Variants in CD58 observed in about 807,000 individuals in gnomAD.
CD58 encodes the protein lymphocyte function-associated antigen 3.
In CD58, 14 loss-of-function variants were observed where a neutral mutation model predicts 27.6. The ratio of observed to expected loss-of-function variants is 0.51; its 90% CI spans 0.34 to 0.79. CD58 has a LOEUF of 0.79. Among genes scored for constraint, CD58 ranks in the 30% least tolerant of loss-of-function variants. The pLI is 0.02. For synonymous variants in CD58, 117 were observed against 103.8 expected (o/e 1.13, Z -0.77); for missense variants, 268 against 301.7 (o/e 0.89, Z 0.83).
At chr1:116,549,216 T>C (rs1044536562) in intron 1 of CD58, among the ~76,000 whole-genome samples, 27 of 152,294 alleles carry the variant, frequency 1.8e-4, no homozygotes, top group African/African-American at 6.5e-4. Context: ...CACAAATAAT[T>C]AGACAATGCC....
rs1658847080 is a variant in CD58 at position 116,563,840 on chromosome 1, T to C, written c.70+7063A>G. 1.3e-5 allele frequency among the ~76,000 whole-genome samples: 2 copies of C among 152,280 alleles called. No homozygotes were observed. Among genetic ancestry groups the C allele is most frequent in the Non-Finnish European group, 1.5e-5 (1 of 68,052 alleles). On this transcript the variant is annotated intron_variant, in intron 1 of 5. Coordinates refer to ENST00000369489, the MANE Select transcript of CD58 (RefSeq NM_001779.3). The surrounding 1 kb of genome is among the most constrained non-coding windows in gnomAD (Gnocchi z 4.1). ...GGGGCTGCCATGAAGGTTTCTGATA[T>C]GCCCTGGAGACATTTTCCCCATTGT...
At position 116,532,861 on chromosome 1, in the gene CD58, G is replaced by A. The variant is rs1657663256; in HGVS notation, c.628+3104C>T. 1 of 646,564 alleles carries A rather than the reference G, an allele frequency of 1.5e-6. No homozygotes were observed. Among genetic ancestry groups the A allele is most frequent in the South Asian group, 1.6e-5 (1 of 61,582 alleles). 40.1% of individuals were successfully genotyped at this position (646,564 alleles called of 1,614,324 possible). ...CGCTGTCGACGGGATTGTGCCGCAT[G>A]CGGCAAAGACTGAGGCCTCCCGCTA... On this transcript the variant is annotated intron_variant, in intron 3 of 5. Coordinates refer to ENST00000369489, the MANE Select transcript of CD58 (RefSeq NM_001779.3). The surrounding 1 kb of genome is among the most constrained non-coding windows in gnomAD (Gnocchi z 5.1).
chr1:116,567,383 C>A (rs953174506), intron 1 of CD58, among the ~76,000 whole-genome samples: 4 of 151,940 alleles, frequency 2.6e-5, no homozygotes, highest in Middle Eastern at 3.4e-3. Flanking sequence ...TGCCTGTAAT[C>A]CCAACACTTC....
chr1:116,555,171 G>C (rs1658522786), intron 1 of CD58, among the ~76,000 whole-genome samples: 1 of 152,114 alleles, frequency 6.6e-6, no homozygotes, highest in South Asian at 2.1e-4. Flanking sequence ...GTGCAGAACA[G>C]AGAGTGCCCA....
At chr1:116,558,207 C>T (rs140924814) in intron 1 of CD58, among the ~76,000 whole-genome samples, 71 of 150,586 alleles carry the variant, frequency 4.7e-4, no homozygotes, top group African/African-American at 1.7e-3. Flanking sequence ...AGTTTCAGTA[C>T]CTGAATATAT....
chr1:116,526,406 G>A (rs1207004610), intron 3 of CD58, among the ~76,000 whole-genome samples: 1 of 152,154 alleles, frequency 6.6e-6, no homozygotes, highest in Admixed American at 6.5e-5. Flanking sequence ...TTTTGCATGT[G>A]GATGTCCAGT....
chr1:116,524,409 T>C lies in CD58; in HGVS notation c.629-2426A>G, dbSNP rs184001131. ...GGACTGGCTCTTGTTTCTAGAACAT[T>C]TCAATGGACAGAACCAGGAAATACA... On this transcript the variant is annotated intron_variant, in intron 3 of 5. Transcript: ENST00000369489. The surrounding 1 kb of genome is among the most constrained non-coding windows in gnomAD (Gnocchi z 4.6). 7.2e-5 allele frequency among the ~76,000 whole-genome samples: 11 copies of C among 152,268 alleles called. No individual in the cohort carries two copies. The East Asian group carries it at 2.1e-3, about 29-fold the overall frequency.
chr1:116,555,196 C>A (rs1365291352), intron 1 of CD58, among the ~76,000 whole-genome samples: 1 of 152,082 alleles, frequency 6.6e-6, no homozygotes, highest in African/African-American at 2.4e-5. Context: ...TTGAAGCCAG[C>A]AAGGCCCAGG....
intron 2 of CD58, among the ~76,000 whole-genome samples, chr1:116,544,009 C>T (rs1658072672): frequency 6.6e-6 from 1 of 152,140 alleles, no homozygotes; most frequent in African/African-American, 2.4e-5. Flanking sequence ...TATAGAGTAA[C>T]ATCTATCAGT....
chr1:116,524,279 T>C lies in CD58; in HGVS notation c.629-2296A>G, dbSNP rs1657359007. On this transcript the variant is annotated intron_variant, in intron 3 of 5. Transcript: ENST00000369489. This position sits in a 1 kb window ranked among gnomAD's most constrained non-coding sequence, Gnocchi z 4.6. The stretch of plus-strand genomic sequence containing the variant: ...GTTTTCCTGAAACTGAAGAGTTTCC[T>C]GGGATATGAAATTCGGGTGCTGAAA... Among the ~76,000 whole-genome samples the C allele has an allele frequency of 6.6e-6, 1 of 152,194 alleles. No individual in the cohort carries two copies. Among genetic ancestry groups the C allele is most frequent in the Non-Finnish European group, 1.5e-5 (1 of 68,046 alleles).
In CD58 at chr1:116,515,305, A is replaced by G. The variant is rs557945238; in HGVS notation, c.744-483T>C. On this transcript the variant is annotated intron_variant, in intron 5 of 5. Transcript: ENST00000369489. The surrounding 1 kb of genome is among the most constrained non-coding windows in gnomAD (Gnocchi z 4.6). ...GCCGAAAAACAAAACCGCATCCTTG[A>G]GCAAGCCCTCAAACCGAGTCCATTT... Among the ~76,000 whole-genome samples the G allele has an allele frequency of 1.2e-4, 19 of 152,312 alleles. No homozygotes were observed. In the East Asian group the frequency reaches 3.5e-3, roughly 28 times the overall value.
Position 116,517,062 on chromosome 1 carries a change from T to C in CD58, c.743+2169A>G, listed in dbSNP as rs1368990318. Among the ~76,000 whole-genome samples, 1 of 152,074 alleles carries C rather than the reference T, an allele frequency of 6.6e-6. No homozygotes were observed. Among genetic ancestry groups the C allele is most frequent in the Non-Finnish European group, 1.5e-5 (1 of 67,998 alleles). The stretch of plus-strand genomic sequence containing the variant: ...TGCCCATCCCCTTTCCCCGTGGCCC[T>C]GGATGATGCCCCCCTACCCCCATCA... On this transcript the variant is annotated intron_variant, in intron 5 of 5. Transcript: ENST00000369489. The surrounding 1 kb of genome is among the most constrained non-coding windows in gnomAD (Gnocchi z 6.5).
rs1426735123 is a variant in CD58, at chr1:116,515,824, C to G, written c.744-1002G>C. 6.6e-6 allele frequency among the ~76,000 whole-genome samples: 1 copy of G among 152,198 alleles called. No individual in the cohort carries two copies. Among genetic ancestry groups the G allele is most frequent in the South Asian group, 2.1e-4 (1 of 4,834 alleles). ...TACCAGGGCACTCAGAAATTGCCTA[C>G]GTTGAACTGCCTGGGTGAGAAGTGT... On this transcript the variant is annotated intron_variant, in intron 5 of 5. Transcript: ENST00000369489. This position sits in a 1 kb window ranked among gnomAD's most constrained non-coding sequence, Gnocchi z 4.6.
chr1:116,556,630 A>T (rs919316924), intron 1 of CD58, among the ~76,000 whole-genome samples: 6 of 152,242 alleles, frequency 3.9e-5, no homozygotes, highest in African/African-American at 1.4e-4. Flanking sequence ...AGAGCTGAAG[A>T]GGGCCTCAGA....
At chr1:116,540,771 C>T (rs1244100708) in intron 2 of CD58, among the ~76,000 whole-genome samples, 2 of 152,140 alleles carry the variant, frequency 1.3e-5, no homozygotes, top group Admixed American at 6.5e-5. Context: ...AAAACCATAC[C>T]TTTGCTGAGG....
chr1:116,514,883 G>T (rs561481387), intron 5 of CD58, 61 bp from the exon 6 acceptor site: 1 of 1,207,110 alleles, frequency 8.3e-7, no homozygotes, highest in African/African-American at 1.5e-5. Flanking sequence ...TGCAGACCAG[G>T]AGTCTTAATT....
At position 116,523,529 on chromosome 1, in the gene CD58, A is replaced by T. The variant is rs1002990750; in HGVS notation, c.629-1546T>A. Among the ~76,000 whole-genome samples, 2 of 152,156 alleles carry T rather than the reference A, an allele frequency of 1.3e-5. No homozygotes were observed. The highest frequency in any genetic ancestry group is 4.8e-5 in the African/African-American group (2 of 41,424). On this transcript the variant is annotated intron_variant, in intron 3 of 5. Coordinates refer to ENST00000369489, the MANE Select transcript of CD58 (RefSeq NM_001779.3). The surrounding 1 kb of genome is among the most constrained non-coding windows in gnomAD (Gnocchi z 4.4). ...CAGATTTGAGAAGACCCTGGCCAGA[A>T]ACTGCTAGGTGCCCCCGAACATCAT...
At chr1:116,530,590 T>C (rs568461041) in intron 3 of CD58, among the ~76,000 whole-genome samples, 3 of 152,300 alleles carry the variant, frequency 2.0e-5, no homozygotes, top group East Asian at 3.9e-4. Context: ...AGGCATTTAT[T>C]TGAAGGGTTT....
Position 116,515,449 on chromosome 1 carries a change from G to C in CD58, c.744-627C>G, listed in dbSNP as rs993698619. ...AGAATTCATGAGAAATTAGTGCTGT[G>C]GTCACAGGGGTGAGGTAAAGGACAG... On this transcript the variant is annotated intron_variant, in intron 5 of 5. Transcript: ENST00000369489. This position sits in a 1 kb window ranked among gnomAD's most constrained non-coding sequence, Gnocchi z 4.6. Among the ~76,000 whole-genome samples the C allele has an allele frequency of 6.6e-6, 1 of 152,176 alleles. No individual in the cohort carries two copies. The highest frequency in any genetic ancestry group is 1.5e-5 in the Non-Finnish European group (1 of 68,032).
Sources: gnomAD v4.1 joint callset for allele counts (sites outside exome capture counted in the v4.1 genomes callset) on GRCh38, gnomAD v4.1.1 for gene constraint, Gnocchi (gnomAD v3.1) non-coding constraint, MANE v1.5 for transcripts, NCBI Gene and HGNC (gene_info 2026-07-23, HGNC 2026-07-21) for gene names.